The following MLIP variants were observed in gnomAD, a reference collection of about 807,000 sequenced individuals.
MLIP encodes muscular LMNA interacting protein, also known as muscular LMNA-interacting protein.
Under a neutral mutation model 84.8 loss-of-function variants are expected in MLIP, and 79 were observed. The ratio of observed to expected loss-of-function variants is 0.93; its 90% CI spans 0.78 to 1.12. The LOEUF (loss-of-function observed/expected upper bound fraction) is 1.12. Ranked by LOEUF, MLIP falls within the 50% of genes most tolerant of loss-of-function variation. MLIP has a pLI of 0.00. For missense variants in MLIP, 1,257 were observed against 1,160.6 expected (o/e 1.08, Z -1.21); for synonymous variants, 504 against 463.0 (o/e 1.09, Z -1.14).
intron 5 of MLIP, among the ~76,000 whole-genome samples, chr6:54,158,858 G>C (rs1774318898): frequency 7.5e-6 from 1 of 134,066 alleles, no homozygotes; most frequent in Admixed American, 8.0e-5. Flanking sequence ...ACTCTCAGTT[G>C]CAAGAAGTAT....
chr6:54,035,342 A>T (rs1764367596), intron 1 of MLIP, among the ~76,000 whole-genome samples: 1 of 152,210 alleles, frequency 6.6e-6, no homozygotes, highest in Admixed American at 6.5e-5. Flanking sequence ...CTCCAGCTAT[A>T]TCACAGTTTA....
chr6:54,198,885 TG>T (rs1357845370), intron 10 of MLIP, among the ~76,000 whole-genome samples: 1 of 136,564 alleles, frequency 7.3e-6, no homozygotes, highest in Non-Finnish European at 1.7e-5. Context: ...TGTCTGTGTG[TG>T]TGTGTGTGTA....
At chr6:54,190,003 T>C (rs1777760573) in intron 10 of MLIP, 89 bp downstream of exon 10, 1 of 855,044 alleles carries the variant, frequency 1.2e-6, no homozygotes, top group South Asian at 1.7e-5. Flanking sequence ...AGAATACATT[T>C]ACTATATATA....
chr6:54,251,826 A>AAT (rs368207222), intron 12 of MLIP, among the ~76,000 whole-genome samples: 40 of 77,842 alleles, frequency 5.1e-4, no homozygotes, highest in South Asian at 3.1e-3. Context: ...AGATAATATA[A>AAT]ATATATATAT....
chr6:54,236,503 G>A (rs1401722383), intron 12 of MLIP, among the ~76,000 whole-genome samples: 2 of 152,204 alleles, frequency 1.3e-5, no homozygotes, highest in African/African-American at 4.8e-5. Context: ...TCAAGAGGCT[G>A]AGGCAGGAGA....
chr6:54,019,008 T>A, exon 1 of MLIP: 2 of 1,592,732 alleles, frequency 1.3e-6, no homozygotes, highest in East Asian at 2.2e-5. Context: ...AGTCTTTCTC[T>A]CTTTCTCATT....
intron 5 of MLIP, among the ~76,000 whole-genome samples, chr6:54,154,894 G>A (rs970723851): frequency 2.6e-5 from 4 of 152,000 alleles, no homozygotes; most frequent in Admixed American, 2.6e-4. Flanking sequence ...TGAAGGAGGT[G>A]CTTCTGGAAA....
upstream of MLIP, among the ~76,000 whole-genome samples, chr6:54,107,865 G>A (rs1412300414): frequency 6.6e-6 from 1 of 152,202 alleles, no homozygotes; most frequent in Non-Finnish European, 1.5e-5. Context: ...TATCAAGCCT[G>A]AGGCATAAAA....
chr6:54,086,336 G>T (rs1433476906), intron 1 of MLIP, among the ~76,000 whole-genome samples: 4 of 152,086 alleles, frequency 2.6e-5, no homozygotes, highest in Admixed American at 2.6e-4. Flanking sequence ...CCCACCTAAG[G>T]TGTCCACAAT....
intron 1 of MLIP, among the ~76,000 whole-genome samples, chr6:54,040,260 A>C (rs1361466044): frequency 2.6e-5 from 4 of 152,026 alleles, no homozygotes; most frequent in African/African-American, 9.7e-5. Flanking sequence ...ACTGATGATA[A>C]CCCATTCAAC....
At position 54,224,750 on chromosome 6, in the gene MLIP, C is replaced by G. The variant is rs952161847; in HGVS notation, c.2719-5964C>G. 3.3e-5 allele frequency among the ~76,000 whole-genome samples: 5 copies of G among 151,898 alleles called. No homozygotes were observed. The East Asian group carries it at 9.7e-4, about 29-fold the overall frequency. ...CCTCGACCCCCTTGCACTCTTCCCC[C>G]CAAGTCCCCAAAGTTCATTGTATCA... On this transcript the variant is annotated intron_variant, in intron 11 of 13. Transcript: ENST00000502396.
At chr6:54,079,046 A>G (rs1307728877) in intron 1 of MLIP, among the ~76,000 whole-genome samples, 2 of 152,206 alleles carry the variant, frequency 1.3e-5, no homozygotes, top group African/African-American at 2.4e-5. Context: ...GGACATATCT[A>G]TACTAAATAA....
chr6:54,211,856 C>T (rs1267129634), intron 11 of MLIP, among the ~76,000 whole-genome samples: 1 of 152,234 alleles, frequency 6.6e-6, no homozygotes, highest in African/African-American at 2.4e-5. Context: ...TGCTCCAATA[C>T]TATGAATAAT....
chr6:54,145,790 C>CCG (rs1343995004), intron 4 of MLIP, among the ~76,000 whole-genome samples: 4 of 147,088 alleles, frequency 2.7e-5, no homozygotes, highest in South Asian at 2.1e-4. Context: ...CACCCCCTCC[C>CCG]CCACAAAAAA....
intron 13 of MLIP, among the ~76,000 whole-genome samples, chr6:54,260,304 T>C (rs1783298964): frequency 6.6e-6 from 1 of 151,942 alleles, no homozygotes; most frequent in Non-Finnish European, 1.5e-5. Context: ...ACTTAACATC[T>C]AGCTCAGTGG....
chr6:54,234,309 T>G (rs1025906404), intron 12 of MLIP, among the ~76,000 whole-genome samples: 1 of 152,108 alleles, frequency 6.6e-6, no homozygotes, highest in Non-Finnish European at 1.5e-5. Flanking sequence ...ACCTACCTTA[T>G]TAGAGTATTA....
intron 10 of MLIP, among the ~76,000 whole-genome samples, chr6:54,190,796 CTTT>C (rs1234496431): frequency 4.5e-5 from 6 of 133,734 alleles, no homozygotes; most frequent in South Asian, 2.4e-4. Flanking sequence ...CAAAGATTTT[CTTT>C]TTTTTTTTTT....
At position 54,033,354 on chromosome 6, in the gene MLIP, C is replaced by T. The variant is rs955880696; in HGVS notation, c.63+14263C>T. 4.0e-5 allele frequency among the ~76,000 whole-genome samples: 6 copies of T among 151,708 alleles called. 1 individual carries two copies. The South Asian group carries it at 6.3e-4, about 16-fold the overall frequency. On this transcript the variant is annotated intron_variant, in intron 1 of 12. Transcript: ENST00000274897. Reference sequence around the variant, plus strand: ...CAGTCTCAGCTCACTGCAACCTCCGCCTCCCGGGTTCAAGTGATTCTCTTG... The same window carrying T: ...CAGTCTCAGCTCACTGCAACCTCCGTCTCCCGGGTTCAAGTGATTCTCTTG...
chr6:54,232,477 T>C (rs1054005807), intron 12 of MLIP, among the ~76,000 whole-genome samples: 3 of 152,128 alleles, frequency 2.0e-5, no homozygotes, highest in Non-Finnish European at 4.4e-5. Flanking sequence ...GAGTGTGAGA[T>C]TTGTTGATAC....
Sources: gnomAD v4.1 joint callset for allele counts (sites outside exome capture counted in the v4.1 genomes callset) on GRCh38, gnomAD v4.1.1 for gene constraint, MANE v1.5 for transcripts, NCBI Gene and HGNC (gene_info 2026-07-23, HGNC 2026-07-21) for gene names.